Variants in CADM2 observed in about 807,000 individuals in gnomAD.
CADM2 encodes the protein immunoglobulin superfamily member 4D.
In CADM2, 12 loss-of-function variants were observed where a neutral mutation model predicts 49.8. That is an observed-to-expected ratio of 0.24 (90% CI 0.15 to 0.39). The LOEUF (loss-of-function observed/expected upper bound fraction) is 0.39. Ranked by LOEUF, CADM2 falls within the 10% of genes least tolerant of loss-of-function variation. The pLI, the probability that CADM2 is intolerant of heterozygous loss-of-function variation, is 1.00. For synonymous variants in CADM2, 214 were observed against 175.4 expected (o/e 1.22, Z -1.74); for missense variants, 378 against 492.3 (o/e 0.77, Z 2.20).
intron 8 of CADM2, among the ~76,000 whole-genome samples, chr3:85,990,054 T>G (rs1207129372): frequency 1.7e-5 from 1 of 57,734 alleles, no homozygotes; most frequent in Non-Finnish European, 3.8e-5. Context: ...AGAAGACTAA[T>G]AATGGAGTTA....
chr3:85,937,763 GT>G (rs1559753267), intron 7 of CADM2, among the ~76,000 whole-genome samples: 1 of 151,876 alleles, frequency 6.6e-6, no homozygotes, highest in Non-Finnish European at 1.5e-5. Flanking sequence ...CTGGAAACTT[GT>G]CAAATTTCTA....
chr3:85,227,807 A>G (rs1244743266), intron 1 of CADM2, among the ~76,000 whole-genome samples: 4 of 152,202 alleles, frequency 2.6e-5, no homozygotes, highest in Non-Finnish European at 4.4e-5. Flanking sequence ...TGCTTCCTTC[A>G]GGAGCTCCTG....
chr3:85,261,754 A>C (rs1283474451), intron 1 of CADM2, among the ~76,000 whole-genome samples: 2 of 152,134 alleles, frequency 1.3e-5, no homozygotes, highest in South Asian at 2.1e-4. Flanking sequence ...TAAATTATTT[A>C]ACTTACAGAG....
intron 2 of CADM2, among the ~76,000 whole-genome samples, chr3:85,799,106 T>G (rs1169939216): frequency 6.6e-6 from 1 of 152,164 alleles, no homozygotes; most frequent in African/African-American, 2.4e-5. Flanking sequence ...CCTGTGATTT[T>G]TGCACATTGA....
At position 85,726,518 on chromosome 3, in the gene CADM2, C is replaced by G; in HGVS notation, c.62-4C>G. On this transcript the variant is annotated splice_polypyrimidine_tract_variant and splice_region_variant and intron_variant, in intron 1 of 9. Coordinates refer to ENST00000383699, the MANE Select transcript of CADM2 (RefSeq NM_001167675.2). The stretch of plus-strand genomic sequence containing the variant: ...CTTCTTGTGCAACCTTTCCTTGGTA[C>G]CAGCGGCTGCTTCAAAGAATAAAGT... 6.2e-7 allele frequency: 1 copy of G among 1,612,332 alleles called. No individual in the cohort carries two copies. Among genetic ancestry groups the G allele is most frequent in the Non-Finnish European group, 8.5e-7 (1 of 1,178,852 alleles).
chr3:85,655,832 G>T (rs1201042428), intron 1 of CADM2, among the ~76,000 whole-genome samples: 1 of 152,186 alleles, frequency 6.6e-6, no homozygotes, highest in Non-Finnish European at 1.5e-5. Context: ...GTGTGAGATA[G>T]AATTCAATAG....
intron 1 of CADM2, among the ~76,000 whole-genome samples, chr3:85,107,044 A>G (rs1323227596): frequency 2.0e-5 from 3 of 152,152 alleles, no homozygotes; most frequent in Non-Finnish European, 4.4e-5. Context: ...CCAAAGAGGT[A>G]AGATAACAAC....
intron 1 of CADM2, among the ~76,000 whole-genome samples, chr3:85,107,787 G>C (rs1575882710): frequency 7.1e-6 from 1 of 140,736 alleles, no homozygotes; most frequent in Admixed American, 7.7e-5. Context: ...GCAACTTCTT[G>C]CCTCTCGGGT....
At chr3:85,782,945 A>T (rs964319925) in intron 2 of CADM2, among the ~76,000 whole-genome samples, 1 of 152,104 alleles carries the variant, frequency 6.6e-6, no homozygotes, top group Non-Finnish European at 1.5e-5. Context: ...TTAAAACTCA[A>T]CTCAGCAAAA....
In CADM2 at chr3:86,068,697, G is replaced by A. The variant is rs568866719; in HGVS notation, c.*1914G>A. 9.8e-5 allele frequency: 15 copies of A among 152,332 alleles called. No homozygotes were observed. Among genetic ancestry groups the A allele is most frequent in the Admixed American group, 2.6e-4 (4 of 15,244 alleles). 9.4% of individuals were successfully genotyped at this position (152,332 alleles called of 1,614,324 possible). A position where few individuals can be genotyped will look rare whatever the true frequency, so the allele number is the denominator to read the frequency against. On this transcript the variant is annotated 3_prime_UTR_variant, in exon 10 of 10. Transcript: ENST00000383699. ...TGATTTCTTACAAAAGAAAAAGGAC[G>A]ATGTCAGTCAAGCAGCACTTTTTCA...
chr3:85,227,925 G>A (rs1385414294), intron 1 of CADM2, among the ~76,000 whole-genome samples: 1 of 152,114 alleles, frequency 6.6e-6, no homozygotes. Context: ...GAAATTCTGG[G>A]TTGAAAATTA....
At chr3:85,595,092 C>T (rs145643356) in intron 1 of CADM2, among the ~76,000 whole-genome samples, 1,633 of 152,030 alleles carry the variant, frequency 0.011, 16 homozygotes, top group Non-Finnish European at 0.016. Context: ...GCCCTTTTTG[C>T]GTGCATTTAT....
At chr3:85,833,995 G>A (rs1415101702) in intron 3 of CADM2, among the ~76,000 whole-genome samples, 1 of 151,484 alleles carries the variant, frequency 6.6e-6, no homozygotes, top group East Asian at 1.9e-4. Flanking sequence ...CCATGTACAT[G>A]GGATGTATTT....
At chr3:85,296,916 G>C (rs1044255233) in intron 1 of CADM2, among the ~76,000 whole-genome samples, 10 of 152,020 alleles carry the variant, frequency 6.6e-5, no homozygotes, top group Non-Finnish European at 1.5e-4. Flanking sequence ...AGCTAAAATA[G>C]AGTATGTTTT....
chr3:85,164,501 A>T (rs2040417704), intron 1 of CADM2, among the ~76,000 whole-genome samples: 1 of 152,050 alleles, frequency 6.6e-6, no homozygotes. Context: ...AATTACAAAC[A>T]TCTAAACAGC....
chr3:85,379,394 A>G (rs926988170), intron 1 of CADM2, among the ~76,000 whole-genome samples: 1 of 152,002 alleles, frequency 6.6e-6, no homozygotes, highest in Admixed American at 6.6e-5. Flanking sequence ...TTCTAAGTAA[A>G]TAAAGAAAAA....
At chr3:85,653,944 A>T (rs751098388) in intron 1 of CADM2, among the ~76,000 whole-genome samples, 1 of 152,252 alleles carries the variant, frequency 6.6e-6, no homozygotes, top group Non-Finnish European at 1.5e-5. Context: ...AAGTGTTTCA[A>T]TGATAAGGGA....
chr3:85,822,558 T>C (rs545125371), intron 3 of CADM2, among the ~76,000 whole-genome samples: 96 of 152,250 alleles, frequency 6.3e-4, no homozygotes, highest in African/African-American at 2.3e-3. Flanking sequence ...CACTCCAGCC[T>C]AGGCGACAGA....
chr3:85,624,264 C>G (rs952173775), intron 1 of CADM2, among the ~76,000 whole-genome samples: 1 of 152,058 alleles, frequency 6.6e-6, no homozygotes, highest in Non-Finnish European at 1.5e-5. Flanking sequence ...AATATCTAGC[C>G]AGACTATTTG....
Sources: gnomAD v4.1 joint callset for allele counts (sites outside exome capture counted in the v4.1 genomes callset) on GRCh38, gnomAD v4.1.1 for gene constraint, MANE v1.5 for transcripts, NCBI Gene and HGNC (gene_info 2026-07-23, HGNC 2026-07-21) for gene names.